The following CNTNAP5 variants were observed in gnomAD, a reference collection of about 807,000 sequenced individuals.
CNTNAP5 encodes the protein contactin-associated protein-like 5.
Under a neutral mutation model 150.2 loss-of-function variants are expected in CNTNAP5, and 72 were observed. The ratio of observed to expected loss-of-function variants is 0.48; its 90% CI spans 0.40 to 0.58. The LOEUF (loss-of-function observed/expected upper bound fraction) is 0.58, where lower values mean the gene tolerates loss of function less well. Among genes scored for constraint, CNTNAP5 ranks in the 20% least tolerant of loss-of-function variants. The pLI is 0.00. For missense variants in CNTNAP5, 1,636 were observed against 1,626.2 expected, an observed-to-expected ratio of 1.01 and a Z score of -0.10; for synonymous variants, 672 against 619.8, an observed-to-expected ratio of 1.08 and a Z score of -1.25.
intron 13 of CNTNAP5, among the ~76,000 whole-genome samples, chr2:124,655,998 AAAAGGAAG>A (rs1678445908): frequency 7.6e-6 from 1 of 131,754 alleles, no homozygotes; most frequent in Non-Finnish European, 1.7e-5. Context: ...AAAGAAAGAA[AAAAGGAAG>A]GAAGGAAGGA....
At chr2:124,343,823 C>T (rs936527856) in intron 3 of CNTNAP5, among the ~76,000 whole-genome samples, 1 of 152,134 alleles carries the variant, frequency 6.6e-6, no homozygotes, top group East Asian at 1.9e-4. Flanking sequence ...TTATTTAACT[C>T]GCACTTCTGC....
intron 5 of CNTNAP5, among the ~76,000 whole-genome samples, chr2:124,446,293 G>A (rs1692813601): frequency 6.6e-6 from 1 of 152,114 alleles, no homozygotes; most frequent in Non-Finnish European, 1.5e-5. Flanking sequence ...CATATGGGAT[G>A]ATTATTTCCT....
At chr2:124,820,540 G>T (rs1381802149) in intron 19 of CNTNAP5, among the ~76,000 whole-genome samples, 1 of 137,884 alleles carries the variant, frequency 7.3e-6, no homozygotes, top group Non-Finnish European at 1.5e-5. Flanking sequence ...AAGGAAAGGG[G>T]GGGGAGAAAG....
chr2:124,734,856 A>T (rs143648655), intron 13 of CNTNAP5, among the ~76,000 whole-genome samples: 1 of 152,246 alleles, frequency 6.6e-6, no homozygotes, highest in East Asian at 1.9e-4. Context: ...CATAAAAGAG[A>T]GGGGATAGAG....
chr2:124,209,820 G>T (rs1030691421), intron 1 of CNTNAP5, among the ~76,000 whole-genome samples: 38 of 152,132 alleles, frequency 2.5e-4, no homozygotes, highest in Admixed American at 2.4e-3. Flanking sequence ...CCCCATAAAG[G>T]AGAAAAGGAA....
chr2:124,343,392 C>A (rs1253493990), intron 3 of CNTNAP5, among the ~76,000 whole-genome samples: 2 of 152,112 alleles, frequency 1.3e-5, no homozygotes, highest in African/African-American at 4.8e-5. Context: ...GGATAAGCCT[C>A]ATTGGTTTAA....
chr2:124,439,718 T>C (rs901178736), intron 5 of CNTNAP5, among the ~76,000 whole-genome samples: 1 of 152,130 alleles, frequency 6.6e-6, no homozygotes, highest in African/African-American at 2.4e-5. Flanking sequence ...CTTGGATACT[T>C]AGGAGACCAT....
intron 2 of CNTNAP5, among the ~76,000 whole-genome samples, chr2:124,233,347 C>T (rs1015463565): frequency 6.6e-6 from 1 of 152,098 alleles, no homozygotes; most frequent in Admixed American, 6.6e-5. Flanking sequence ...TATCTAGACT[C>T]ACACCAACCT....
chr2:124,908,915 A>G (rs1678596738), intron 22 of CNTNAP5, among the ~76,000 whole-genome samples: 1 of 152,154 alleles, frequency 6.6e-6, no homozygotes, highest in African/African-American at 2.4e-5. Context: ...AAGAAAGAAA[A>G]TATTTTTGTA....
chr2:124,591,351 T>C (rs1009956358), intron 11 of CNTNAP5, among the ~76,000 whole-genome samples: 1 of 152,310 alleles, frequency 6.6e-6, no homozygotes, highest in Non-Finnish European at 1.5e-5. Flanking sequence ...CAGTGGATGG[T>C]AATCTCTGTC....
chr2:124,713,275 TTC>T (rs1679857764), intron 13 of CNTNAP5, among the ~76,000 whole-genome samples: 2 of 128,230 alleles, frequency 1.6e-5, no homozygotes, highest in Admixed American at 1.6e-4. Flanking sequence ...CTTTCTTTCT[TTC>T]TTTCTTTCTT....
chr2:124,086,802 A>G (rs780372183), intron 1 of CNTNAP5, among the ~76,000 whole-genome samples: 4 of 151,426 alleles, frequency 2.6e-5, no homozygotes, highest in African/African-American at 7.3e-5. Context: ...TAGGCCATTT[A>G]TATTTTATTT....
At position 124,070,551 on chromosome 2, in the gene CNTNAP5, T is replaced by G. The variant is rs79488675; in HGVS notation, c.82+44819T>G. ...ATAAAAAGAGCAGGAGTAGCTATACTGGCATCAGACAGAAGAGATTTCAAT... is the reference window on the plus strand; with the variant it reads ...ATAAAAAGAGCAGGAGTAGCTATACGGGCATCAGACAGAAGAGATTTCAAT... On this transcript the variant is annotated intron_variant, in intron 1 of 23. Transcript: ENST00000682447. Among the ~76,000 whole-genome samples the G allele has an allele frequency of 5.3e-3, 800 of 152,028 alleles. 10 individuals are homozygous for G. The highest frequency in any genetic ancestry group is 0.018 in the African/African-American group (756 of 41,518).
At chr2:124,418,333 T>A (rs1158142763) in intron 4 of CNTNAP5, among the ~76,000 whole-genome samples, 2 of 152,212 alleles carry the variant, frequency 1.3e-5, no homozygotes, top group Non-Finnish European at 2.9e-5. Context: ...AACACTTTCA[T>A]CCAAACTAGT....
intron 13 of CNTNAP5, among the ~76,000 whole-genome samples, chr2:124,706,565 G>C (rs1397680870): frequency 6.6e-6 from 1 of 151,814 alleles, no homozygotes; most frequent in Non-Finnish European, 1.5e-5. Context: ...TGGCCAAAGT[G>C]GTGAAACCCC....
At chr2:124,072,831 C>A (rs899142088) in intron 1 of CNTNAP5, among the ~76,000 whole-genome samples, 1 of 152,000 alleles carries the variant, frequency 6.6e-6, no homozygotes, top group African/African-American at 2.4e-5. Context: ...ATACCAATGA[C>A]ATCCTTCACA....
intron 1 of CNTNAP5, among the ~76,000 whole-genome samples, chr2:124,120,939 T>G (rs1005317155): frequency 1.3e-5 from 2 of 151,962 alleles, no homozygotes; most frequent in African/African-American, 4.8e-5. Flanking sequence ...GTTGGATCTA[T>G]TTTTTTGATG....
At chr2:124,473,744 T>C (rs1693574885) in intron 6 of CNTNAP5, among the ~76,000 whole-genome samples, 1 of 152,034 alleles carries the variant, frequency 6.6e-6, no homozygotes, top group Admixed American at 6.6e-5. Flanking sequence ...TCTCATTAAA[T>C]GGTATTGGGA....
intron 3 of CNTNAP5, among the ~76,000 whole-genome samples, chr2:124,411,413 G>C (rs1691760258): frequency 6.6e-6 from 1 of 151,982 alleles, no homozygotes; most frequent in South Asian, 2.1e-4. Context: ...AAGCCAGGCA[G>C]AGACACAACC....
Sources: allele counts gnomAD v4.1 joint callset (sites outside exome capture counted in the v4.1 genomes callset), GRCh38; gene constraint gnomAD v4.1.1; transcripts MANE v1.5; gene names NCBI Gene and HGNC (gene_info 2026-07-23, HGNC 2026-07-21).